Variants in CHN2 observed in about 807,000 individuals in gnomAD.
CHN2 encodes the protein beta-chimaerin.
In CHN2, 35 loss-of-function variants were observed where a neutral mutation model predicts 56.3. That is an observed-to-expected ratio of 0.62 (90% CI 0.47 to 0.82). CHN2 has a LOEUF of 0.82. Ranked by LOEUF, CHN2 falls within the 40% of genes least tolerant of loss-of-function variation. CHN2 has a pLI of 0.00. For synonymous variants in CHN2, 210 were observed against 212.8 expected (o/e 0.99, Z 0.12); for missense variants, 491 against 580.5 (o/e 0.85, Z 1.58).
intron 1 of CHN2, among the ~76,000 whole-genome samples, chr7:29,302,591 G>A (rs1343774425): frequency 7.0e-6 from 1 of 143,556 alleles, no homozygotes; most frequent in Non-Finnish European, 1.5e-5. Context: ...TCCTCTGAAA[G>A]TGCTGGGATT....
At chr7:29,433,668 C>G (rs1459123259) in intron 6 of CHN2, among the ~76,000 whole-genome samples, 1 of 152,076 alleles carries the variant, frequency 6.6e-6, no homozygotes, top group Non-Finnish European at 1.5e-5. Context: ...GAAACCCCGT[C>G]TCTACTAAAA....
rs527619963 is a variant in CHN2, at chr7:29,425,782, T to C, written c.576+24954T>C. 2.3e-4 allele frequency among the ~76,000 whole-genome samples: 35 copies of C among 152,334 alleles called. No individual in the cohort carries two copies. The South Asian group carries it at 7.0e-3, about 31-fold the overall frequency. On this transcript the variant is annotated intron_variant, in intron 6 of 12. Coordinates refer to ENST00000222792, the MANE Select transcript of CHN2 (RefSeq NM_004067.4). ...TAATTTACTTTCAAATACATGTATA[T>C]GTCTCCCTTGAAATAAATTAATTTG...
At chr7:29,241,135 C>T (rs1292380018) in intron 1 of CHN2, among the ~76,000 whole-genome samples, 1 of 152,146 alleles carries the variant, frequency 6.6e-6, no homozygotes, top group Non-Finnish European at 1.5e-5. Context: ...ATCCTCCCGC[C>T]TCGGCCTTCC....
At chr7:29,422,259 C>G (rs776298545) in intron 6 of CHN2, among the ~76,000 whole-genome samples, 11 of 152,300 alleles carry the variant, frequency 7.2e-5, no homozygotes, top group Non-Finnish European at 1.3e-4. Context: ...CGTGGAACCT[C>G]TTTCAGCCTG....
chr7:29,259,151 A>T (rs1789329704), intron 1 of CHN2, among the ~76,000 whole-genome samples: 1 of 152,162 alleles, frequency 6.6e-6, no homozygotes, highest in Non-Finnish European at 1.5e-5. Context: ...AACATGGTGA[A>T]ACTGCAACTC....
chr7:29,376,324 A>T (rs1800077449), intron 3 of CHN2: 1 of 152,266 alleles, frequency 6.6e-6, no homozygotes, highest in Middle Eastern at 3.4e-3. Flanking sequence ...TATCCCTCTC[A>T]CTTTACACAG....
intron 1 of CHN2, among the ~76,000 whole-genome samples, chr7:29,277,337 C>T (rs1791316145): frequency 6.6e-6 from 1 of 152,208 alleles, no homozygotes; most frequent in Admixed American, 6.5e-5. Flanking sequence ...CAGAGTCCAC[C>T]GTGTGTTACC....
chr7:29,310,712 C>T (rs1351195270), intron 1 of CHN2, among the ~76,000 whole-genome samples: 1 of 152,174 alleles, frequency 6.6e-6, no homozygotes, highest in East Asian at 1.9e-4. Context: ...TTTCCTGATT[C>T]ATAAACAGGG....
intron 3 of CHN2, 103 bp downstream of exon 3, chr7:29,368,090 T>G: frequency 1.1e-6 from 1 of 889,204 alleles, no homozygotes; most frequent in Middle Eastern, 2.3e-4. Flanking sequence ...TTGATTTCTA[T>G]TAACATTTGT....
At chr7:29,485,517 T>G (rs990556460) in intron 7 of CHN2, among the ~76,000 whole-genome samples, 2 of 151,992 alleles carry the variant, frequency 1.3e-5, no homozygotes, top group Non-Finnish European at 2.9e-5. Flanking sequence ...GACAGTGTGG[T>G]TGTTCTCTCA....
At chr7:29,246,951 A>C (rs1562862251) in intron 1 of CHN2, among the ~76,000 whole-genome samples, 1 of 152,148 alleles carries the variant, frequency 6.6e-6, no homozygotes, top group Non-Finnish European at 1.5e-5. Flanking sequence ...TGGCAGACAC[A>C]CAAACACTCA....
chr7:29,259,454 A>T (rs28719056), intron 1 of CHN2, among the ~76,000 whole-genome samples: 59,087 of 151,944 alleles, frequency 0.39, 12,688 homozygotes, highest in East Asian at 0.86. Flanking sequence ...AGAAGATTGG[A>T]TATTGGGTGC....
intron 1 of CHN2, among the ~76,000 whole-genome samples, chr7:29,307,735 A>T (rs987916257): frequency 2.6e-5 from 4 of 152,098 alleles, no homozygotes; most frequent in African/African-American, 9.7e-5. Flanking sequence ...TAGCGTCTCC[A>T]CCCAGCTGTT....
At chr7:29,147,286 A>G (rs1265679943) in intron 2 of CHN2, 1 of 302,104 alleles carries the variant, frequency 3.3e-6, no homozygotes, top group African/African-American at 2.2e-5. Context: ...CAACTGCCAG[A>G]CAGGTGGGAG....
intron 1 of CHN2, among the ~76,000 whole-genome samples, chr7:29,254,958 C>T (rs191077857): frequency 3.8e-4 from 58 of 152,228 alleles, no homozygotes; most frequent in Admixed American, 1.4e-3. Flanking sequence ...TTCTGAGCAA[C>T]GGCATGCAGT....
chr7:29,345,472 A>T (rs111419416), intron 1 of CHN2, among the ~76,000 whole-genome samples: 1,808 of 152,234 alleles, frequency 0.012, 39 homozygotes, highest in African/African-American at 0.041. Context: ...TCCCATGATA[A>T]GGAAGCCAGC....
intron 1 of CHN2, among the ~76,000 whole-genome samples, chr7:29,272,323 C>T (rs1790722781): frequency 6.6e-6 from 1 of 152,172 alleles, no homozygotes. Context: ...TGACAGTTCT[C>T]ATTGCACTGG....
At chr7:29,474,536 C>T (rs1023338636) in intron 6 of CHN2, among the ~76,000 whole-genome samples, 5 of 152,170 alleles carry the variant, frequency 3.3e-5, no homozygotes. Context: ...TCACCACACC[C>T]TCATCATCAT....
intron 6 of CHN2, among the ~76,000 whole-genome samples, chr7:29,439,410 T>C (rs1783468604): frequency 6.6e-6 from 1 of 152,244 alleles, no homozygotes; most frequent in Non-Finnish European, 1.5e-5. Flanking sequence ...ATGTTCATTC[T>C]CACCTTAGAA....
Sources: gnomAD v4.1 joint callset for allele counts (sites outside exome capture counted in the v4.1 genomes callset) on GRCh38, gnomAD v4.1.1 for gene constraint, MANE v1.5 for transcripts, NCBI Gene and HGNC (gene_info 2026-07-23, HGNC 2026-07-21) for gene names.